The following STPG2 variants were observed in gnomAD, a reference collection of about 807,000 sequenced individuals.
The protein encoded by STPG2 is sperm tail PG-rich repeat containing 2, also known as sperm-tail PG-rich repeat-containing protein 2.
STPG2 carries 56 observed loss-of-function variants against 54.2 expected under a neutral mutation model. That is an observed-to-expected ratio of 1.03 (90% CI 0.83 to 1.29). The LOEUF (loss-of-function observed/expected upper bound fraction) is 1.29. Ranked by LOEUF, STPG2 falls within the 50% of genes most tolerant of loss-of-function variation. STPG2 has a pLI of 0.00. For missense variants in STPG2, 596 were observed against 544.9 expected (o/e 1.09, Z -0.93); for synonymous variants, 200 against 181.8 (o/e 1.10, Z -0.81).
At chr4:97,591,376 A>T (rs1008650778) in intron 10 of STPG2, among the ~76,000 whole-genome samples, 3 of 152,194 alleles carry the variant, frequency 2.0e-5, no homozygotes, top group Non-Finnish European at 2.9e-5. Flanking sequence ...TATGTAGCTC[A>T]ATTTTCTTTA....
intron 10 of STPG2, among the ~76,000 whole-genome samples, chr4:97,676,833 G>C (rs1456614033): frequency 6.6e-6 from 1 of 152,120 alleles, no homozygotes; most frequent in Non-Finnish European, 1.5e-5. Flanking sequence ...ACTGCCACAA[G>C]GTTCTTGAAT....
chr4:97,668,762 G>GAA (rs1553948252), intron 10 of STPG2, among the ~76,000 whole-genome samples: 1 of 151,632 alleles, frequency 6.6e-6, no homozygotes, highest in South Asian at 2.1e-4. Context: ...ATAATGTATA[G>GAA]GATAGAGTAG....
chr4:97,737,338 G>A (rs1725042069), intron 9 of STPG2, among the ~76,000 whole-genome samples: 1 of 152,168 alleles, frequency 6.6e-6, no homozygotes, highest in African/African-American at 2.4e-5. Flanking sequence ...TTCCTCACCA[G>A]CAACGGAACA....
In STPG2 at chr4:97,624,156, T is replaced by C. The variant is rs542164039; in HGVS notation, c.1321-65039A>G. ...TATATTCCTTTGGGTGTATACCCAGTAATAGGATTGCTTGGCCAAATGGTA... is the reference window on the plus strand; with the variant it reads ...TATATTCCTTTGGGTGTATACCCAGCAATAGGATTGCTTGGCCAAATGGTA... On this transcript the variant is annotated intron_variant, in intron 10 of 10. Coordinates refer to ENST00000295268, the MANE Select transcript of STPG2 (RefSeq NM_174952.3). 3.3e-5 allele frequency among the ~76,000 whole-genome samples: 5 copies of C among 152,336 alleles called. No individual in the cohort carries two copies. The East Asian group carries it at 7.7e-4, about 24-fold the overall frequency.
chr4:97,503,813 T>G (rs1412996341), intron 4 of STPG2, among the ~76,000 whole-genome samples: 1 of 131,776 alleles, frequency 7.6e-6, no homozygotes, highest in Non-Finnish European at 1.6e-5. Flanking sequence ...TAAAAATATA[T>G]TTAAATATTT....
chr4:97,454,519 C>CAAAAAAAAAAAAAA (rs10564687), intron 4 of STPG2, among the ~76,000 whole-genome samples: 1 of 43,646 alleles, frequency 2.3e-5, no homozygotes, highest in Non-Finnish European at 7.3e-5. Context: ...GACTCCGTCT[C>CAAAAAAAAAAAAAA]AAAAAAAAAA....
intron 4 of STPG2, among the ~76,000 whole-genome samples, chr4:97,464,576 C>T (rs1033603801): frequency 2.0e-5 from 3 of 152,146 alleles, no homozygotes; most frequent in East Asian, 1.9e-4. Flanking sequence ...ACCACCATGC[C>T]CAGCTAATTT....
intron 8 of STPG2, among the ~76,000 whole-genome samples, chr4:97,937,257 T>C (rs2149224809): frequency 6.6e-6 from 1 of 152,204 alleles, no homozygotes; most frequent in East Asian, 1.9e-4. Flanking sequence ...CTAAACTGGT[T>C]ATTCTAGCTA....
chr4:97,990,259 T>C (rs1012022855), intron 5 of STPG2, among the ~76,000 whole-genome samples: 1 of 152,136 alleles, frequency 6.6e-6, no homozygotes. Context: ...TAAAATAACA[T>C]AGAACAATCA....
intron 1 of STPG2, among the ~76,000 whole-genome samples, chr4:98,135,629 G>A (rs1249916232): frequency 6.6e-6 from 1 of 151,662 alleles, no homozygotes; most frequent in East Asian, 1.9e-4. Context: ...AGTGACTGAT[G>A]GTTTTAGCTG....
At chr4:97,874,818 A>G (rs1022955534) in intron 8 of STPG2, among the ~76,000 whole-genome samples, 1 of 151,686 alleles carries the variant, frequency 6.6e-6, no homozygotes, top group African/African-American at 2.4e-5. Flanking sequence ...GGTGGAGCCC[A>G]TATGTTGTGA....
intron 9 of STPG2, among the ~76,000 whole-genome samples, chr4:97,730,377 C>T (rs192518181): frequency 1.2e-4 from 19 of 152,228 alleles, no homozygotes; most frequent in African/African-American, 2.9e-4. Flanking sequence ...TATATATGTA[C>T]GACATTTTCT....
intron 10 of STPG2, among the ~76,000 whole-genome samples, chr4:97,667,650 T>C (rs1451164835): frequency 6.6e-6 from 1 of 152,192 alleles, no homozygotes; most frequent in Non-Finnish European, 1.5e-5. Context: ...AACTCTTCCT[T>C]CCTTACATTT....
chr4:97,887,147 A>G (rs1730601281), intron 8 of STPG2, among the ~76,000 whole-genome samples: 1 of 152,186 alleles, frequency 6.6e-6, no homozygotes, highest in African/African-American at 2.4e-5. Flanking sequence ...ACCAATACAG[A>G]AAATTGGAAC....
chr4:97,939,519 C>G (rs1257367674), intron 8 of STPG2, among the ~76,000 whole-genome samples: 3 of 152,168 alleles, frequency 2.0e-5, no homozygotes, highest in Admixed American at 6.6e-5. Context: ...ATAGCTAGGT[C>G]TTCTTGTTGA....
intron 8 of STPG2, among the ~76,000 whole-genome samples, chr4:97,849,708 A>C (rs1729089160): frequency 6.6e-6 from 1 of 151,982 alleles, no homozygotes; most frequent in African/African-American, 2.4e-5. Context: ...ATGCAAATCA[A>C]AACCACTATG....
At chr4:97,774,078 C>A (rs1726299649) in intron 9 of STPG2, among the ~76,000 whole-genome samples, 1 of 151,314 alleles carries the variant, frequency 6.6e-6, no homozygotes, top group Non-Finnish European at 1.5e-5. Context: ...TATATTCCTC[C>A]CATTTTAAGC....
chr4:97,905,922 C>T, intron 8 of STPG2, among the ~76,000 whole-genome samples: 1 of 151,902 alleles, frequency 6.6e-6, no homozygotes, highest in Non-Finnish European at 1.5e-5. Flanking sequence ...CAGGAAAGAT[C>T]CAAAATTGAC....
chr4:97,557,240 G>A (rs1732099503), downstream of STPG2, among the ~76,000 whole-genome samples: 1 of 151,794 alleles, frequency 6.6e-6, no homozygotes, highest in Admixed American at 6.6e-5. Flanking sequence ...AAACGAAATT[G>A]AATAAACTGG....
Sources: allele counts gnomAD v4.1 joint callset (sites outside exome capture counted in the v4.1 genomes callset), GRCh38; gene constraint gnomAD v4.1.1; transcripts MANE v1.5; gene names NCBI Gene and HGNC (gene_info 2026-07-23, HGNC 2026-07-21).